The following RPGR variants were observed in gnomAD, a reference collection of about 807,000 sequenced individuals.
The protein encoded by RPGR is X-linked retinitis pigmentosa GTPase regulator.
In RPGR, 10 loss-of-function variants were observed where a neutral mutation model predicts 56.3. That is an observed-to-expected ratio of 0.18 (90% confidence interval 0.11 to 0.30). The LOEUF is 0.30. Among genes scored for constraint, RPGR ranks in the 10% least tolerant of loss-of-function variants. The probability of loss-of-function intolerance (pLI) is 1.00; values close to 1 mark genes in which losing one functional copy is unlikely to be tolerated. For synonymous variants in RPGR, 197 were observed against 212.9 expected (o/e 0.93, Z 0.65); for missense variants, 538 against 590.9 (o/e 0.91, Z 0.93).
At chrX:38,297,605 A>C (rs2147228396) in intron 10 of RPGR, among the ~76,000 whole-genome samples, 153 bp from the exon 11 acceptor site, 1 of 112,181 alleles carries the variant, frequency 8.9e-6, no homozygotes, top group East Asian at 2.8e-4. Flanking sequence ...CCAAAGGCTC[A>C]AAAACATTTT....
intron 7 of RPGR, chrX:38,308,171 T>A (rs763846957): frequency 8.9e-6 from 1 of 111,861 alleles, no homozygotes; most frequent in South Asian, 3.7e-4. Flanking sequence ...CAAGGACACT[T>A]CTTTCTTGCA....
At chrX:38,298,161 T>TA (rs1396929972) in intron 10 of RPGR, among the ~76,000 whole-genome samples, 2 of 109,280 alleles carry the variant, frequency 1.8e-5, no homozygotes, top group Non-Finnish European at 3.8e-5. Flanking sequence ...TCCCAGCTAC[T>TA]TGGGAGGCTG....
In RPGR at chrX:38,318,991, C is replaced by T. The variant is rs773470712; in HGVS notation, c.311-4G>A. On this transcript the variant is annotated splice_polypyrimidine_tract_variant and splice_region_variant and intron_variant, in intron 4 of 18. Transcript: ENST00000642395. ...GTTGCATATACATTGCCTCCTTCTG[C>T]ACATGGAAAAGAAAACGTCAATAGA... 2.5e-6 allele frequency: 3 copies of T among 1,210,015 alleles called. No individual in the cohort carries two copies. The highest frequency in any genetic ancestry group is 3.4e-6 in the Non-Finnish European group (3 of 894,943).
At chrX:38,301,652 T>C (rs2067503881) in intron 8 of RPGR, among the ~76,000 whole-genome samples, 1 of 111,341 alleles carries the variant, frequency 9.0e-6, no homozygotes, top group South Asian at 3.9e-4. Context: ...CAATACAGAA[T>C]GAGAATTTGA....
chrX:38,269,620 A>G lies in RPGR; in HGVS notation c.*6T>C. On this transcript the variant is annotated 3_prime_UTR_variant, in exon 19 of 19. Coordinates refer to ENST00000642395, the MANE Select transcript of RPGR (RefSeq NM_000328.3). ...ACTTGGTGACTGTGAAAACATAAATATATATTTATAGTATTGTACAGGATT... is the reference window on the plus strand; with the variant it reads ...ACTTGGTGACTGTGAAAACATAAATGTATATTTATAGTATTGTACAGGATT... 12 of 1,133,253 alleles carry G rather than the reference A, an allele frequency of 1.1e-5. No individual in the cohort carries two copies. Among genetic ancestry groups the G allele is most frequent in the Non-Finnish European group, 1.3e-5 (11 of 825,242 alleles). The allele number at this position is 1,133,253 out of a possible 1,213,427, so 93.4% of individuals were successfully genotyped here.
chrX:38,291,474 T>A lies in RPGR; in HGVS notation c.1425A>T (p.Leu475=). 8.9e-7 allele frequency: 1 copy of A among 1,124,794 alleles called. No homozygotes were observed. The highest frequency in any genetic ancestry group is 1.2e-6 in the Non-Finnish European group (1 of 818,744). 92.7% of individuals were successfully genotyped at this position (1,124,794 alleles called of 1,213,427 possible). The change falls in exon 12 of 19, where the codon CTA becomes CTT. Residue 475 remains leucine (L), a synonymous_variant. Transcript: ENST00000642395. ...TCTCTGCTTCTTTGGTCATTTCATC[T>A]AGCAAATAATCTGAATGATTAAATG...
chrX:38,313,743 G>C (rs1157608179), intron 6 of RPGR, among the ~76,000 whole-genome samples: 5 of 111,904 alleles, frequency 4.5e-5, no homozygotes, highest in African/African-American at 1.6e-4. Context: ...TCCCAGAGTG[G>C]TTGGGAGATT....
At chrX:38,298,724 A>G (rs1226788242) in intron 10 of RPGR, among the ~76,000 whole-genome samples, 2 of 112,100 alleles carry the variant, frequency 1.8e-5, no homozygotes, top group Non-Finnish European at 1.9e-5. Context: ...GTCTATATGC[A>G]AAAGTTTTCT....
Position 38,276,679 on chromosome X carries a change from CCA to C in RPGR, c.1997_1998del (p.Val666GlyfsTer3). 1 of 1,209,279 alleles carries C rather than the reference CCA, an allele frequency of 8.3e-7. No homozygotes were observed. Among genetic ancestry groups the C allele is most frequent in the Non-Finnish European group, 1.1e-6 (1 of 893,509 alleles). On this transcript the variant is annotated frameshift_variant, in exon 16 of 19. Transcript: ENST00000642395. LOFTEE classifies it high-confidence loss of function. ...CCTGTAGGAACACTTTCATCATCTC[CCA>C]CAGTTTTCTTCTTGCTTTCCACATT...
At chrX:38,288,234 T>C (rs963955412) in intron 13 of RPGR, among the ~76,000 whole-genome samples, 193 bp from the exon 14 acceptor site, 2 of 112,124 alleles carry the variant, frequency 1.8e-5, no homozygotes, top group African/African-American at 6.5e-5. Flanking sequence ...TAGTCTGTGA[T>C]ACATCTAATT....
chrX:38,325,313 T>C lies in RPGR; in HGVS notation c.29-1789A>G, dbSNP rs765667328. 3.6e-5 allele frequency among the ~76,000 whole-genome samples: 4 copies of C among 111,561 alleles called. No homozygotes were observed. The South Asian group carries it at 1.5e-3, about 42-fold the overall frequency. ...ACTACCCATATTGCCTAGCACAAAG[T>C]AGCCCTTGTGTGTTCTACTTTTCAC... On this transcript the variant is annotated intron_variant, in intron 1 of 18. Transcript: ENST00000642395.
chrX:38,312,612 A>G (rs769137572), intron 6 of RPGR, among the ~76,000 whole-genome samples: 23 of 111,695 alleles, frequency 2.1e-4, no homozygotes, highest in Non-Finnish European at 3.8e-4. Flanking sequence ...TTTGAGTCAC[A>G]TCCTCCCTTG....
chrX:38,277,168 T>C (rs577018617), intron 15 of RPGR, among the ~76,000 whole-genome samples: 2 of 112,582 alleles, frequency 1.8e-5, no homozygotes, highest in African/African-American at 3.2e-5. Context: ...TTCCAAAATA[T>C]AGGGATTTAG....
chrX:38,291,084 T>C (rs2067269867), intron 12 of RPGR, 60 bp from the exon 13 acceptor site: 1 of 278,255 alleles, frequency 3.6e-6, no homozygotes, highest in Non-Finnish European at 5.8e-6. Flanking sequence ...TATATATTTG[T>C]ATATAGTACA....
At chrX:38,303,189 C>T (rs1156450445) in intron 8 of RPGR, among the ~76,000 whole-genome samples, 1 of 110,369 alleles carries the variant, frequency 9.1e-6, no homozygotes, top group African/African-American at 3.3e-5. Context: ...AAATATAAAC[C>T]CTGATCCAAG....
chrX:38,285,878 C>T (rs1205320415), intron 15 of RPGR: 2 of 1,194,633 alleles, frequency 1.7e-6, no homozygotes, highest in Non-Finnish European at 2.2e-6. Flanking sequence ...TCTCCTTCCT[C>T]CTCTCCTTCC....
chrX:38,272,940 A>C (rs2066868483), intron 18 of RPGR, among the ~76,000 whole-genome samples: 1 of 111,634 alleles, frequency 9.0e-6, no homozygotes, highest in Non-Finnish European at 1.9e-5. Flanking sequence ...TAGTATAAAA[A>C]ATACTAAAAA....
intron 4 of RPGR, 114 bp from the exon 5 acceptor site, chrX:38,319,101 C>T (rs761629750): frequency 1.3e-6 from 1 of 770,359 alleles, no homozygotes; most frequent in Non-Finnish European, 1.9e-6. Flanking sequence ...AAAGCTATCA[C>T]TATCCTATTA....
chrX:38,270,783 C>T (rs765037369), intron 18 of RPGR, among the ~76,000 whole-genome samples: 2 of 110,083 alleles, frequency 1.8e-5, no homozygotes, highest in East Asian at 2.8e-4. Flanking sequence ...AAAGTAGCCC[C>T]GATAACCCAG....
Sources: allele counts gnomAD v4.1 joint callset (sites outside exome capture counted in the v4.1 genomes callset), GRCh38; gene constraint gnomAD v4.1.1; transcripts MANE v1.5; gene names NCBI Gene and HGNC (gene_info 2026-07-23, HGNC 2026-07-21).